The following IFT74 variants were observed in gnomAD, a reference collection of about 807,000 sequenced individuals.
IFT74 encodes the protein intraflagellar transport 74, also known as intraflagellar transport protein 74 homolog.
A neutral mutation model predicts 96.7 loss-of-function variants in IFT74; 92 were observed. That is an observed-to-expected ratio of 0.95 (90% CI 0.80 to 1.13). IFT74 has a LOEUF of 1.13. Ranked by LOEUF, IFT74 falls within the 50% of genes most tolerant of loss-of-function variation. The pLI is 0.00. For synonymous variants in IFT74, 223 were observed against 213.2 expected (o/e 1.05, Z -0.40); for missense variants, 811 against 698.2 (o/e 1.16, Z -1.82).
In IFT74 at chr9:27,047,389, G is replaced by A. The variant is rs770329049; in HGVS notation, c.1206+18G>A. ...GCAGTCGAGTGAGTACCATGTGCCT[G>A]TCTTGGTGTCCTCTTTATTTTTGCC... On this transcript the variant is annotated intron_variant, in intron 15 of 19. Coordinates refer to ENST00000380062, the MANE Select transcript of IFT74 (RefSeq NM_025103.4). The A allele has an allele frequency of 1.8e-5, 26 of 1,455,184 alleles. No homozygotes were observed. Among genetic ancestry groups the A allele is most frequent in the African/African-American group, 2.9e-5 (2 of 70,120 alleles). 90.1% of individuals were successfully genotyped at this position (1,455,184 alleles called of 1,614,324 possible).
intron 8 of IFT74, among the ~76,000 whole-genome samples, chr9:27,006,639 G>GAA (rs1186439609): frequency 7.1e-6 from 1 of 141,644 alleles, no homozygotes; most frequent in Non-Finnish European, 1.5e-5. Context: ...GAGAGAGAGA[G>GAA]AAGAGAAGAG....
chr9:27,009,971 AT>A (rs372186445), intron 9 of IFT74, among the ~76,000 whole-genome samples: 10,318 of 144,286 alleles, frequency 0.072, 376 homozygotes, highest in Middle Eastern at 0.16. Context: ...TGCTGGAAAC[AT>A]TTTTTTTTTT....
chr9:26,984,477 T>C (rs1334937723), intron 5 of IFT74, 22 bp from the exon 6 acceptor site: 1 of 1,602,062 alleles, frequency 6.2e-7, no homozygotes, highest in Non-Finnish European at 8.5e-7. Flanking sequence ...TATTTATGAA[T>C]GTATTTATTT....
intron 18 of IFT74, among the ~76,000 whole-genome samples, chr9:27,057,989 A>G (rs1157087842): frequency 2.0e-5 from 3 of 152,226 alleles, no homozygotes; most frequent in Admixed American, 1.3e-4. Flanking sequence ...ATATCCTTGT[A>G]GTATTTTCAT....
At chr9:27,048,056 A>G in intron 15 of IFT74, 92 bp from the exon 16 acceptor site, 1 of 807,090 alleles carries the variant, frequency 1.2e-6, no homozygotes, top group East Asian at 2.8e-5. Flanking sequence ...TGATCCAAAC[A>G]TCTCATCCTT....
In IFT74 at chr9:26,995,517, G is replaced by A. The variant is rs200749160; in HGVS notation, c.587+5322G>A. On this transcript the variant is annotated intron_variant, in intron 8 of 19. Transcript: ENST00000380062. ...TTGCTTTAAAAAGCAAACTTTGAAAGAAATTAATTTTCTTCACATAATTCA... is the reference window on the plus strand; with the variant it reads ...TTGCTTTAAAAAGCAAACTTTGAAAAAAATTAATTTTCTTCACATAATTCA... The A allele has an allele frequency of 1.5e-3, 2,202 of 1,509,222 alleles. 4 individuals carry two copies. Among genetic ancestry groups the A allele is most frequent in the Non-Finnish European group, 1.9e-3 (2,084 of 1,116,090 alleles). The allele number at this position is 1,509,222 out of a possible 1,614,324, so 93.5% of individuals were successfully genotyped here. A position where few individuals can be genotyped will look rare whatever the true frequency, so the allele number is the denominator to read the frequency against.
chr9:26,990,296 C>G (rs1415538211), intron 8 of IFT74, 101 bp downstream of exon 8: 4 of 538,076 alleles, frequency 7.4e-6, no homozygotes, highest in African/African-American at 2.0e-5. Context: ...TAACAATTTC[C>G]CCATTGCCTT....
At chr9:26,999,586 T>C (rs759572468) in intron 8 of IFT74, 2 of 1,481,484 alleles carry the variant, frequency 1.3e-6, no homozygotes, top group Admixed American at 3.8e-5. Flanking sequence ...TTGAAAATAT[T>C]TTTACTATTT....
chr9:26,997,408 A>G (rs1470236274), intron 8 of IFT74, among the ~76,000 whole-genome samples: 1 of 137,572 alleles, frequency 7.3e-6, no homozygotes. Context: ...ATCTCGGCTC[A>G]CTGTAACATC....
intron 2 of IFT74, among the ~76,000 whole-genome samples, chr9:26,970,030 G>GT (rs1478039367): frequency 1.3e-5 from 2 of 150,836 alleles, no homozygotes; most frequent in Non-Finnish European, 3.0e-5. Context: ...ATTTGTTGTT[G>GT]TTTTTTTTAA....
intron 4 of IFT74, among the ~76,000 whole-genome samples, chr9:26,981,671 C>T (rs550344780): frequency 9.2e-5 from 14 of 152,286 alleles, no homozygotes; most frequent in Non-Finnish European, 1.8e-4. Flanking sequence ...CTGCCCATCT[C>T]GGCCTTCCAA....
intron 2 of IFT74, among the ~76,000 whole-genome samples, chr9:26,969,869 A>G (rs931351482): frequency 2.0e-5 from 3 of 152,030 alleles, no homozygotes; most frequent in Admixed American, 2.0e-4. Flanking sequence ...TTCCCTCAGC[A>G]TTTGCTTGTC....
chr9:27,060,545 G>T, intron 18 of IFT74, 46 bp from the exon 19 acceptor site: 2 of 1,303,564 alleles, frequency 1.5e-6, no homozygotes, highest in Admixed American at 1.9e-5. Flanking sequence ...GCATTTAATT[G>T]TTTTAAATAT....
chr9:27,003,016 T>C (rs1828581815), intron 8 of IFT74, among the ~76,000 whole-genome samples: 1 of 152,170 alleles, frequency 6.6e-6, no homozygotes, highest in Non-Finnish European at 1.5e-5. Context: ...ATTGGTTAAA[T>C]TGATTCCAAG....
rs758155349 is a variant in IFT74 at position 27,056,365 on chromosome 9, C to A, written c.1529C>A (p.Thr510Asn). ...KLHQERMILS[T>N]HRNAFKKIME... ...CATCAGGAGAGAATGATATTATCAA[C>A]CCACAGAAATGCCTTTAAGAAAATA... Residue 510 changes from threonine to asparagine, a missense_variant, in exon 18 of 20, where the codon ACC becomes AAC. Transcript: ENST00000380062. 6.3e-7 allele frequency: 1 copy of A among 1,590,318 alleles called. No individual in the cohort carries two copies.
At chr9:26,959,711 T>G (rs1381376887) in intron 1 of IFT74, among the ~76,000 whole-genome samples, 1 of 151,728 alleles carries the variant, frequency 6.6e-6, no homozygotes, top group Non-Finnish European at 1.5e-5. Context: ...GGTGATGGAG[T>G]TCAAGTTGTA....
chr9:26,997,654 T>G, intron 8 of IFT74: 9 of 1,466,744 alleles, frequency 6.1e-6, no homozygotes, highest in African/African-American at 1.4e-5. Context: ...CTTTAAAACG[T>G]GATATGAGAG....
At chr9:26,990,255 T>C in intron 8 of IFT74, 60 bp downstream of exon 8, 3 of 817,256 alleles carry the variant, frequency 3.7e-6, no homozygotes, top group Non-Finnish European at 5.4e-6. Context: ...TAGTTTAAGT[T>C]GTGATCCAGT....
rs186697460 is a variant in IFT74, at chr9:27,020,772, C to G, written c.974+2085C>G. ...TACAGGCGTGACCTACCGCGCCTGG[C>G]CTATCTTTTTTACTTCAGTAGTTTT... is the stretch of plus-strand genomic sequence containing the variant. On this transcript the variant is annotated intron_variant, in intron 12 of 19. Transcript: ENST00000380062. Among the ~76,000 whole-genome samples, 8 of 152,182 alleles carry G rather than the reference C, an allele frequency of 5.3e-5. No homozygotes were observed. The East Asian group carries it at 5.8e-4, about 11-fold the overall frequency.
Sources: allele counts gnomAD v4.1 joint callset (sites outside exome capture counted in the v4.1 genomes callset), GRCh38; gene constraint gnomAD v4.1.1; transcripts MANE v1.5; gene names NCBI Gene and HGNC (gene_info 2026-07-23, HGNC 2026-07-21).